The following MICOS10 variants were observed in gnomAD, a reference collection of about 807,000 sequenced individuals.
MICOS10 encodes MICOS complex subunit MIC10.
Under a neutral mutation model 13.4 loss-of-function variants are expected in MICOS10, and 5 were observed. The ratio of observed to expected loss-of-function variants is 0.37; its 90% confidence interval spans 0.20 to 0.78. The LOEUF (loss-of-function observed/expected upper bound fraction) is 0.78, where lower values mean the gene tolerates loss of function less well. Ranked by LOEUF, MICOS10 falls within the 30% of genes least tolerant of loss-of-function variation. The pLI, the probability that MICOS10 is intolerant of heterozygous loss-of-function variation, is 0.47. For synonymous variants in MICOS10, 35 were observed against 33.6 expected, an observed-to-expected ratio of 1.04 and a Z score of -0.15; for missense variants, 101 against 94.6, an observed-to-expected ratio of 1.07 and a Z score of -0.28.
Position 19,626,838 on chromosome 1 carries a change from G to C in MICOS10, c.*437G>C, listed in dbSNP as rs11804596. 0.081 allele frequency: 15,471 copies of C among 191,256 alleles called. 735 individuals carry two copies. The highest frequency in any genetic ancestry group is 0.12 in the African/African-American group (5,284 of 43,440). The allele number at this position is 191,256 out of a possible 1,614,324, so 11.8% of individuals were successfully genotyped here. A position where few individuals can be genotyped will look rare whatever the true frequency, so the allele number is the denominator to read the frequency against. On this transcript the variant is annotated 3_prime_UTR_variant, in exon 4 of 4. Transcript: ENST00000322753. Reference sequence around the variant, plus strand: ...ATCAGAAGTTGAAGATTGCTGCTGCGTGGCCTGATGGAGATGACTGATGTC... The same window carrying C: ...ATCAGAAGTTGAAGATTGCTGCTGCCTGGCCTGATGGAGATGACTGATGTC...
chr1:19,608,131 G>A, intron 1 of MICOS10: 1 of 1,146,204 alleles, frequency 8.7e-7, no homozygotes, highest in East Asian at 2.3e-5. Flanking sequence ...CTGGAAAGGG[G>A]AAGGAAAAGA....
chr1:19,625,438 G>A, intron 3 of MICOS10: 1 of 1,289,410 alleles, frequency 7.8e-7, no homozygotes, highest in Non-Finnish European at 1.0e-6. Flanking sequence ...ATGTCTGCTG[G>A]AGAGATGGGA....
intron 1 of MICOS10, among the ~76,000 whole-genome samples, chr1:19,611,926 C>T (rs1284431028): frequency 1.4e-5 from 2 of 139,428 alleles, no homozygotes; most frequent in African/African-American, 2.9e-5. Flanking sequence ...GAGCCAAGAT[C>T]GCGCCAGTGT....
At chr1:19,622,022 C>G (rs976102388) in intron 1 of MICOS10, 78 bp from the exon 2 acceptor site, 1 of 1,056,916 alleles carries the variant, frequency 9.5e-7, no homozygotes, top group South Asian at 1.4e-5. Flanking sequence ...TAATGATGTT[C>G]ACATTTAAGA....
chr1:19,616,158 C>T (rs1570495388), intron 1 of MICOS10, among the ~76,000 whole-genome samples: 2 of 152,094 alleles, frequency 1.3e-5, no homozygotes, highest in South Asian at 2.1e-4. Flanking sequence ...TCAGGTGATC[C>T]GCCTGCCTCG....
In MICOS10 at chr1:19,627,567, C is replaced by G. The variant is rs578186988; in HGVS notation, c.*1166C>G. ...AACAAAGGAGAAGGAGCAACTATGT[C>G]TCCCTAGGATGGCCCCACAGGCGAC... On this transcript the variant is annotated 3_prime_UTR_variant, in exon 4 of 4. Coordinates refer to ENST00000322753, the MANE Select transcript of MICOS10 (RefSeq NM_001032363.4). 1 of 152,294 alleles carries G rather than the reference C, an allele frequency of 6.6e-6. No homozygotes were observed. The highest frequency in any genetic ancestry group is 2.1e-4 in the South Asian group (1 of 4,822). 9.4% of individuals were successfully genotyped at this position (152,294 alleles called of 1,614,324 possible).
chr1:19,625,777 T>A, intron 3 of MICOS10: 1 of 883,208 alleles, frequency 1.1e-6, no homozygotes. Flanking sequence ...TGTGTCCTGC[T>A]CCAAAATGGC....
intron 1 of MICOS10, chr1:19,601,070 A>G (rs925486085): frequency 1.3e-5 from 16 of 1,206,718 alleles, no homozygotes; most frequent in Non-Finnish European, 1.6e-5. Context: ...GATGACTATT[A>G]TAATCACTCG....
Position 19,626,642 on chromosome 1 carries a change from G to A in MICOS10, c.*241G>A. 2.0e-6 allele frequency: 1 copy of A among 506,418 alleles called. No individual in the cohort carries two copies. Among genetic ancestry groups the A allele is most frequent in the South Asian group, 2.2e-5 (1 of 44,792 alleles). 31.4% of individuals were successfully genotyped at this position (506,418 alleles called of 1,614,324 possible). ...ACAAAAAGAGGAAGTCCATTGCATG[G>A]CCTTTGTTTCTTCACCTTTGGTCTC... On this transcript the variant is annotated 3_prime_UTR_variant, in exon 4 of 4. Coordinates refer to ENST00000322753, the MANE Select transcript of MICOS10 (RefSeq NM_001032363.4).
intron 1 of MICOS10, chr1:19,600,921 C>T: frequency 7.8e-7 from 1 of 1,289,376 alleles, no homozygotes; most frequent in Non-Finnish European, 1.0e-6. Flanking sequence ...ATTTCATACT[C>T]TGGCTTGGCA....
At chr1:19,611,469 A>ATTTTTTTTT (rs768118529) in intron 1 of MICOS10, among the ~76,000 whole-genome samples, 1,398 of 90,284 alleles carry the variant, frequency 0.015, 233 homozygotes, top group African/African-American at 0.069. Context: ...TTGCAACTTG[A>ATTTTTTTTT]TTTTTTTTTT....
chr1:19,597,391 G>A (rs1020381662), intron 1 of MICOS10, among the ~76,000 whole-genome samples: 5 of 152,200 alleles, frequency 3.3e-5, no homozygotes, highest in African/African-American at 1.2e-4. Flanking sequence ...GAGCTCTTGA[G>A]TGGAAGACAG....
chr1:19,615,557 A>T (rs551060348), intron 1 of MICOS10, among the ~76,000 whole-genome samples: 2 of 152,344 alleles, frequency 1.3e-5, no homozygotes, highest in South Asian at 2.1e-4. Context: ...ACTGAAGAAT[A>T]ATCATTGTAC....
chr1:19,618,500 G>A (rs2094892611), intron 1 of MICOS10, among the ~76,000 whole-genome samples: 1 of 152,074 alleles, frequency 6.6e-6, no homozygotes, highest in South Asian at 2.1e-4. Flanking sequence ...ACCACTTAGT[G>A]TATTCCATGT....
At chr1:19,613,757 G>A (rs747426492) in intron 1 of MICOS10, among the ~76,000 whole-genome samples, 5 of 152,192 alleles carry the variant, frequency 3.3e-5, no homozygotes, top group African/African-American at 1.2e-4. Flanking sequence ...TTCCTGTGGT[G>A]GGTTTAAAAT....
In MICOS10 at chr1:19,597,241, G is replaced by C. The variant is rs904919437; in HGVS notation, c.64+132G>C. ...CGGCCTTTTCCGGCCCCTCCGGCCA[G>C]GGCGAGCCGCCCGGGCCCCGGCGGG... On this transcript the variant is annotated intron_variant, in intron 1 of 3. Transcript: ENST00000322753. The C allele has an allele frequency of 3.1e-6, 3 of 964,692 alleles. No homozygotes were observed. The African/African-American group carries it at 5.3e-5, about 17-fold the overall frequency. The allele number at this position is 964,692 out of a possible 1,614,324, so 59.8% of individuals were successfully genotyped here.
intron 1 of MICOS10, among the ~76,000 whole-genome samples, chr1:19,601,783 G>A (rs935477732): frequency 3.9e-5 from 6 of 152,130 alleles, no homozygotes; most frequent in Admixed American, 1.3e-4. Context: ...TTGGAAGGGA[G>A]CTCTGAGTGA....
At chr1:19,615,817 T>C (rs1318682124) in intron 1 of MICOS10, among the ~76,000 whole-genome samples, 1 of 152,068 alleles carries the variant, frequency 6.6e-6, no homozygotes, top group Admixed American at 6.6e-5. Context: ...AAAGGAAATC[T>C]TCCCCGGTGC....
chr1:19,609,292 G>T (rs2094849387), intron 1 of MICOS10, among the ~76,000 whole-genome samples: 1 of 151,966 alleles, frequency 6.6e-6, no homozygotes, highest in South Asian at 2.1e-4. Flanking sequence ...AAAATCATGA[G>T]ATATACCTAC....
Sources: allele counts gnomAD v4.1 joint callset (sites outside exome capture counted in the v4.1 genomes callset), GRCh38; gene constraint gnomAD v4.1.1; transcripts MANE v1.5; gene names NCBI Gene and HGNC (gene_info 2026-07-23, HGNC 2026-07-21).